The following RBFOX1 variants were observed in gnomAD, a reference collection of about 807,000 sequenced individuals.
RBFOX1 encodes RNA binding protein fox-1 homolog 1.
Under a neutral mutation model 57.7 loss-of-function variants are expected in RBFOX1, and 8 were observed. The ratio of observed to expected loss-of-function variants is 0.14; its 90% CI spans 0.08 to 0.25. The LOEUF is 0.25. Among genes scored for constraint, RBFOX1 ranks in the 10% least tolerant of loss-of-function variants. The probability of loss-of-function intolerance (pLI) is 1.00; values close to 1 mark genes in which losing one functional copy is unlikely to be tolerated. For missense variants in RBFOX1, 611 were observed against 548.5 expected, an observed-to-expected ratio of 1.11 and a Z score of -1.14; for synonymous variants, 326 against 222.4, an observed-to-expected ratio of 1.47 and a Z score of -4.15.
chr16:5,373,315 C>T (rs1477347837), intron 1 of RBFOX1, among the ~76,000 whole-genome samples: 9 of 152,196 alleles, frequency 5.9e-5, no homozygotes, highest in East Asian at 1.9e-4. Context: ...AATTTCGTGT[C>T]GAATTGTAAT....
intron 3 of RBFOX1, among the ~76,000 whole-genome samples, chr16:6,954,895 A>C (rs2081442690): frequency 6.6e-6 from 1 of 152,148 alleles, no homozygotes; most frequent in African/African-American, 2.4e-5. Flanking sequence ...CAAATAAAGA[A>C]AGGTAATTAT....
intron 1 of RBFOX1, among the ~76,000 whole-genome samples, chr16:6,299,577 C>G (rs1004665941): frequency 2.0e-5 from 3 of 152,230 alleles, no homozygotes; most frequent in Admixed American, 6.5e-5. Flanking sequence ...GCGTCATCGT[C>G]ACTCTCACAT....
intron 3 of RBFOX1, among the ~76,000 whole-genome samples, chr16:5,726,854 C>G (rs2052171448): frequency 6.6e-6 from 1 of 152,144 alleles, no homozygotes; most frequent in Non-Finnish European, 1.5e-5. Flanking sequence ...CAGCTACAAT[C>G]GTATTGTTTT....
intron 3 of RBFOX1, among the ~76,000 whole-genome samples, chr16:5,700,674 A>AT (rs2151481144): frequency 6.6e-6 from 1 of 152,210 alleles, no homozygotes; most frequent in African/African-American, 2.4e-5. Context: ...CAGTTCTGTT[A>AT]TTGTTTTTGC....
At chr16:5,723,686 G>C (rs1350016456) in intron 3 of RBFOX1, among the ~76,000 whole-genome samples, 1 of 152,128 alleles carries the variant, frequency 6.6e-6, no homozygotes, top group Non-Finnish European at 1.5e-5. Flanking sequence ...GGAATCTGTG[G>C]ATTAAACAGT....
At chr16:6,208,453 C>T (rs1460411022) in intron 1 of RBFOX1, among the ~76,000 whole-genome samples, 1 of 151,984 alleles carries the variant, frequency 6.6e-6, no homozygotes, top group East Asian at 1.9e-4. Context: ...GTTGAGTAGA[C>T]ATTTAGTGGA....
intron 2 of RBFOX1, among the ~76,000 whole-genome samples, chr16:6,377,607 C>G (rs1198194678): frequency 6.6e-6 from 1 of 152,120 alleles, no homozygotes; most frequent in Non-Finnish European, 1.5e-5. Context: ...TCTGTGCCGA[C>G]AGAAATGGAA....
At chr16:6,353,901 C>G (rs776087930) in intron 2 of RBFOX1, among the ~76,000 whole-genome samples, 2 of 152,130 alleles carry the variant, frequency 1.3e-5, no homozygotes, top group Non-Finnish European at 2.9e-5. Flanking sequence ...TTCATGTCTT[C>G]TTTTCTTCCC....
chr16:6,566,034 G>A (rs992943556), intron 2 of RBFOX1, among the ~76,000 whole-genome samples: 2 of 152,210 alleles, frequency 1.3e-5, no homozygotes, highest in East Asian at 1.9e-4. Context: ...CCTCTTCTGC[G>A]ATTACCAGGA....
chr16:5,534,370 C>G (rs887544608), intron 2 of RBFOX1, among the ~76,000 whole-genome samples: 3 of 152,298 alleles, frequency 2.0e-5, no homozygotes, highest in East Asian at 1.9e-4. Flanking sequence ...TGTCTTCAAG[C>G]TGTGGAAGAA....
intron 1 of RBFOX1, among the ~76,000 whole-genome samples, chr16:6,043,926 C>A (rs1259476240): frequency 2.6e-5 from 4 of 152,130 alleles, no homozygotes; most frequent in African/African-American, 9.7e-5. Flanking sequence ...TTCTGGGACC[C>A]TCTAACTTTT....
chr16:6,634,169 G>A (rs1315783337), intron 2 of RBFOX1, among the ~76,000 whole-genome samples: 2 of 152,048 alleles, frequency 1.3e-5, no homozygotes, highest in African/African-American at 2.4e-5. Flanking sequence ...GTTCAGAATG[G>A]GTAGAAAAGT....
rs1344896287 is a variant in RBFOX1, at chr16:7,187,644, G to A, written c.27+135546G>A. ...GCAGAGCTTGCAGTGAGCCGAGATC[G>A]TGCCACTGCAGTCCAGCCTGGGCAA... On this transcript the variant is annotated intron_variant, in intron 4 of 15. Transcript: ENST00000550418. 1.1e-4 allele frequency among the ~76,000 whole-genome samples: 14 copies of A among 123,824 alleles called. No homozygotes were observed. The South Asian group carries it at 1.3e-3, about 12-fold the overall frequency. 81.2% of individuals were successfully genotyped at this position (123,824 alleles called of 152,430 possible). A position where few individuals can be genotyped will look rare whatever the true frequency, so the allele number is the denominator to read the frequency against.
chr16:5,911,683 GC>G (rs2152210891), intron 4 of RBFOX1, among the ~76,000 whole-genome samples: 1 of 152,272 alleles, frequency 6.6e-6, no homozygotes, highest in South Asian at 2.1e-4. Flanking sequence ...ATTTTTCACA[GC>G]TCTGGAGTCT....
chr16:5,335,735 G>A (rs894231366), intron 1 of RBFOX1, among the ~76,000 whole-genome samples: 10 of 152,252 alleles, frequency 6.6e-5, no homozygotes, highest in East Asian at 3.9e-4. Flanking sequence ...CAGAGACTGC[G>A]TTTGTCCCAT....
At chr16:7,130,042 T>G (rs1352440214) in intron 4 of RBFOX1, among the ~76,000 whole-genome samples, 1 of 150,686 alleles carries the variant, frequency 6.6e-6, no homozygotes, top group Non-Finnish European at 1.5e-5. Flanking sequence ...ATTTTTTTTT[T>G]TTTTTTTTGA....
chr16:6,622,837 C>T (rs1000535085), intron 2 of RBFOX1, among the ~76,000 whole-genome samples: 2 of 152,174 alleles, frequency 1.3e-5, no homozygotes, highest in Non-Finnish European at 2.9e-5. Context: ...AGGCACAGAG[C>T]AAATGTGAAA....
chr16:5,358,256 C>A (rs190656409), intron 1 of RBFOX1, among the ~76,000 whole-genome samples: 21 of 150,402 alleles, frequency 1.4e-4, no homozygotes, highest in African/African-American at 5.3e-4. Flanking sequence ...CCAAGCTTCC[C>A]CTTTTTATAA....
intron 3 of RBFOX1, among the ~76,000 whole-genome samples, chr16:6,971,455 C>G (rs931164598): frequency 6.6e-6 from 1 of 151,692 alleles, no homozygotes; most frequent in African/African-American, 2.4e-5. Context: ...GCAGGGGTCC[C>G]GCAGTGCAGA....
Sources: allele counts gnomAD v4.1 joint callset (sites outside exome capture counted in the v4.1 genomes callset), GRCh38; gene constraint gnomAD v4.1.1; transcripts MANE v1.5; gene names NCBI Gene and HGNC (gene_info 2026-07-23, HGNC 2026-07-21).